Variants in ZNF236 observed in about 807,000 individuals in gnomAD.
The protein encoded by ZNF236 is regulated by glucose.
Under a neutral mutation model 191.2 loss-of-function variants are expected in ZNF236, and 50 were observed. The ratio of observed to expected loss-of-function variants is 0.26; its 90% CI spans 0.21 to 0.33. The LOEUF (loss-of-function observed/expected upper bound fraction) is 0.33. ZNF236 is among the 10% of genes least tolerant of loss of function. The pLI, the probability that ZNF236 is intolerant of heterozygous loss-of-function variation, is 1.00. For synonymous variants in ZNF236, 907 were observed against 928.8 expected (o/e 0.98, Z 0.43); for missense variants, 1,754 against 2,374.5 (o/e 0.74, Z 5.43).
At chr18:76,869,137 A>T (rs1380042347) in intron 4 of ZNF236, among the ~76,000 whole-genome samples, 1 of 152,250 alleles carries the variant, frequency 6.6e-6, no homozygotes, top group East Asian at 1.9e-4. Context: ...ATGGGTAGGT[A>T]ACAAAATATG....
At chr18:76,951,025 CT>C (rs1163193338) in intron 27 of ZNF236, among the ~76,000 whole-genome samples, 1 of 152,246 alleles carries the variant, frequency 6.6e-6, no homozygotes. Context: ...ACCAGTAGGT[CT>C]CAGCAGTGGG....
At chr18:76,936,009 C>A (rs772479879) in intron 25 of ZNF236, 1 of 457,164 alleles carries the variant, frequency 2.2e-6, no homozygotes, top group South Asian at 1.5e-5. Context: ...CAGTGTGGGA[C>A]CCCAGGAGTG....
At position 76,912,281 on chromosome 18, in the gene ZNF236, T is replaced by C. The variant is rs758330748; in HGVS notation, c.2843T>C (p.Leu948Pro). The C allele has an allele frequency of 5.0e-6, 8 of 1,614,246 alleles. No homozygotes were observed. The highest frequency in any genetic ancestry group is 6.8e-6 in the Non-Finnish European group (8 of 1,180,046). ...ATTCAGGAGTCATCCCAAGAGGAAC[T>C]GGACCTGCAGGCACAAGGTTCCCAG... is the stretch of plus-strand genomic sequence containing the variant. ...RLIQESSQEE[L>P]DLQAQGSQFL... is the part of the protein sequence containing the mutation. The change falls in exon 17 of 31, where the codon CTG becomes CCG. Residue 948 changes from leucine (L) to proline (P), a missense_variant. Transcript: ENST00000320610.
intron 1 of ZNF236, among the ~76,000 whole-genome samples, chr18:76,846,313 G>T (rs926754134): frequency 1.3e-5 from 2 of 152,208 alleles, no homozygotes; most frequent in Non-Finnish European, 2.9e-5. Flanking sequence ...CCAGAAATTT[G>T]AATGAACTTG....
At chr18:76,883,886 A>C (rs1976970760) in intron 9 of ZNF236, among the ~76,000 whole-genome samples, 1 of 152,234 alleles carries the variant, frequency 6.6e-6, no homozygotes, top group Non-Finnish European at 1.5e-5. Flanking sequence ...CTTGTCTCGT[A>C]AGTCATAACA....
At chr18:76,883,299 G>A (rs1427734966) in intron 9 of ZNF236, among the ~76,000 whole-genome samples, 3 of 150,168 alleles carry the variant, frequency 2.0e-5, no homozygotes, top group African/African-American at 4.9e-5. Flanking sequence ...CTGAGCAAGT[G>A]CATGCAGTTC....
At chr18:76,834,533 C>T in intron 1 of ZNF236, 1 of 488,782 alleles carries the variant, frequency 2.0e-6, no homozygotes, top group Non-Finnish European at 4.0e-6. Context: ...CGGTCTTTGT[C>T]CAGTTTTAGC....
At chr18:76,840,061 G>A (rs1975433923) in intron 1 of ZNF236, among the ~76,000 whole-genome samples, 1 of 152,126 alleles carries the variant, frequency 6.6e-6, no homozygotes. Flanking sequence ...AATTTAATAT[G>A]CTGTGGTTTT....
In ZNF236 at chr18:76,889,332, C is replaced by T. The variant is rs188406113; in HGVS notation, c.1418-5681C>T. On this transcript the variant is annotated intron_variant, in intron 9 of 30. Transcript: ENST00000320610. Reference sequence around the variant, plus strand: ...CATCTGTCTTGGCACCTCTGATGCTCTGCCATACATGCTTGGTTACGCCAT... The same window carrying T: ...CATCTGTCTTGGCACCTCTGATGCTTTGCCATACATGCTTGGTTACGCCAT... Among the ~76,000 whole-genome samples the T allele has an allele frequency of 6.6e-5, 10 of 152,340 alleles. No individual in the cohort carries two copies. The East Asian group carries it at 1.9e-3, about 29-fold the overall frequency.
At chr18:76,955,640 G>A (rs1249366600) in intron 27 of ZNF236, among the ~76,000 whole-genome samples, 1 of 152,190 alleles carries the variant, frequency 6.6e-6, no homozygotes, top group Non-Finnish European at 1.5e-5. Context: ...TTGGTAGGCA[G>A]GTGTTCTCCC....
intron 25 of ZNF236, among the ~76,000 whole-genome samples, chr18:76,934,557 TG>T (rs1967944260): frequency 6.6e-6 from 1 of 152,258 alleles, no homozygotes; most frequent in Non-Finnish European, 1.5e-5. Context: ...GACCAGTATT[TG>T]TTTTCTATTT....
At chr18:76,951,714 G>A (rs182815726) in intron 27 of ZNF236, among the ~76,000 whole-genome samples, 56 of 152,326 alleles carry the variant, frequency 3.7e-4, no homozygotes, top group African/African-American at 1.3e-3. Flanking sequence ...CATTTCACAA[G>A]TTGGCTAATA....
chr18:76,934,659 C>G (rs528412803), intron 25 of ZNF236, among the ~76,000 whole-genome samples: 1 of 152,114 alleles, frequency 6.6e-6, no homozygotes, highest in Non-Finnish European at 1.5e-5. Context: ...TAACATTTCC[C>G]ATTCCCCGGT....
intron 30 of ZNF236, among the ~76,000 whole-genome samples, chr18:76,963,335 G>A (rs1042652662): frequency 1.3e-5 from 2 of 152,164 alleles, no homozygotes; most frequent in Non-Finnish European, 2.9e-5. Context: ...AAATGATCAT[G>A]TGGTTTTTGT....
At chr18:76,847,276 T>C (rs1975719383) in intron 1 of ZNF236, among the ~76,000 whole-genome samples, 1 of 152,158 alleles carries the variant, frequency 6.6e-6, no homozygotes, top group Non-Finnish European at 1.5e-5. Context: ...TAAGTTGAGC[T>C]CTTTTATTAA....
chr18:76,948,184 T>G (rs1459887276), intron 27 of ZNF236, among the ~76,000 whole-genome samples: 1 of 152,062 alleles, frequency 6.6e-6, no homozygotes. Context: ...TATGGAAGAG[T>G]CTAAAATCTC....
intron 27 of ZNF236, among the ~76,000 whole-genome samples, chr18:76,948,544 A>T (rs1450561363): frequency 6.6e-6 from 1 of 152,206 alleles, no homozygotes; most frequent in Non-Finnish European, 1.5e-5. Context: ...ACTTGTGGTT[A>T]CAATGGAAGG....
chr18:76,903,014 C>G (rs570290935), intron 11 of ZNF236, among the ~76,000 whole-genome samples: 2 of 152,132 alleles, frequency 1.3e-5, no homozygotes, highest in African/African-American at 4.8e-5. Context: ...GTCCAGAAGG[C>G]TTGTGAGATG....
At chr18:76,922,663 T>G in intron 20 of ZNF236, among the ~76,000 whole-genome samples, 1 of 152,048 alleles carries the variant, frequency 6.6e-6, no homozygotes, top group Non-Finnish European at 1.5e-5. Flanking sequence ...TTCAAGCGAT[T>G]CTCCTGTCTC....
Sources: allele counts gnomAD v4.1 joint callset (sites outside exome capture counted in the v4.1 genomes callset), GRCh38; gene constraint gnomAD v4.1.1; transcripts MANE v1.5; gene names NCBI Gene and HGNC (gene_info 2026-07-23, HGNC 2026-07-21).